FHIT: variants seen among roughly 807,000 people sequenced by gnomAD.
The protein encoded by FHIT is bis(5'-adenosyl)-triphosphatase.
A neutral mutation model predicts 17.9 loss-of-function variants in FHIT; 19 were observed. The ratio of observed to expected loss-of-function variants is 1.06; its 90% confidence interval spans 0.74 to 1.56. The LOEUF (loss-of-function observed/expected upper bound fraction) is 1.56. FHIT is among the 40% of genes most tolerant of loss of function. The pLI, the probability that FHIT is intolerant of heterozygous loss-of-function variation, is 0.00. For synonymous variants in FHIT, 81 were observed against 69.7 expected, an observed-to-expected ratio of 1.16 and a Z score of -0.81; for missense variants, 248 against 189.2, an observed-to-expected ratio of 1.31 and a Z score of -1.82.
chr3:60,232,609 G>A (rs11717164), intron 5 of FHIT, among the ~76,000 whole-genome samples: 1 of 151,942 alleles, frequency 6.6e-6, no homozygotes, highest in Non-Finnish European at 1.5e-5. Context: ...TCCCACATTC[G>A]CTGGGTTTCC....
chr3:60,304,571 T>C (rs773777605), intron 5 of FHIT, among the ~76,000 whole-genome samples: 1 of 152,138 alleles, frequency 6.6e-6, no homozygotes, highest in Non-Finnish European at 1.5e-5. Context: ...GCACTTATCT[T>C]TTATCATCAT....
At chr3:60,033,573 G>A (rs748583651) in intron 5 of FHIT, among the ~76,000 whole-genome samples, 8 of 152,200 alleles carry the variant, frequency 5.3e-5, no homozygotes, top group Non-Finnish European at 8.8e-5. Flanking sequence ...GGGAATTTTC[G>A]TAGTCTTTAA....
chr3:61,025,932 A>G (rs190701985), intron 3 of FHIT, among the ~76,000 whole-genome samples: 218 of 152,324 alleles, frequency 1.4e-3, no homozygotes, highest in Non-Finnish European at 2.3e-3. Context: ...TTGTTAAATA[A>G]AAGTATATGT....
intron 5 of FHIT, among the ~76,000 whole-genome samples, chr3:60,307,489 T>A (rs1465140555): frequency 1.3e-5 from 2 of 152,052 alleles, no homozygotes. Context: ...CATGCTTGAG[T>A]TTTTACCATC....
At chr3:60,235,900 C>G (rs1704758443) in intron 5 of FHIT, among the ~76,000 whole-genome samples, 1 of 152,086 alleles carries the variant, frequency 6.6e-6, no homozygotes, top group Non-Finnish European at 1.5e-5. Context: ...ATCACTAGAG[C>G]GTTCAATTGG....
intron 5 of FHIT, among the ~76,000 whole-genome samples, chr3:60,446,049 C>T (rs945271069): frequency 1.3e-5 from 2 of 152,036 alleles, no homozygotes; most frequent in Admixed American, 6.6e-5. Flanking sequence ...AACTGAAATG[C>T]CTACAGTACA....
chr3:59,753,013 TTA>T (rs1169948009), intron 8 of FHIT, among the ~76,000 whole-genome samples: 1 of 152,176 alleles, frequency 6.6e-6, no homozygotes, highest in East Asian at 1.9e-4. Context: ...TCTAATTTTC[TTA>T]TGTTTAACAG....
chr3:60,711,753 C>T (rs1250997822), intron 4 of FHIT, among the ~76,000 whole-genome samples: 2 of 152,148 alleles, frequency 1.3e-5, no homozygotes, highest in Admixed American at 1.3e-4. Context: ...TGAACAAAGC[C>T]TCCAAGAAAT....
intron 8 of FHIT, among the ~76,000 whole-genome samples, chr3:59,837,955 T>A (rs1701397096): frequency 6.6e-6 from 1 of 152,144 alleles, no homozygotes; most frequent in South Asian, 2.1e-4. Context: ...TAGTACCCTG[T>A]AAGCCTGGGG....
intron 5 of FHIT, among the ~76,000 whole-genome samples, chr3:60,057,748 C>A (rs1391322616): frequency 6.6e-6 from 1 of 151,610 alleles, no homozygotes; most frequent in African/African-American, 2.4e-5. Flanking sequence ...CACATTTTGA[C>A]AATGAGATGC....
rs150582799 is a variant in FHIT, at chr3:61,174,985, T to C, written c.-164+25632A>G. On this transcript the variant is annotated intron_variant, in intron 2 of 9. Coordinates refer to ENST00000492590, the MANE Select transcript of FHIT (RefSeq NM_002012.4). Reference sequence around the variant, plus strand: ...GGAAACCACAAAGCACATCTTCCTATGTTTGCATTTCCTCATCTATTAAAT... The same window carrying C: ...GGAAACCACAAAGCACATCTTCCTACGTTTGCATTTCCTCATCTATTAAAT... 4.8e-3 allele frequency among the ~76,000 whole-genome samples: 727 copies of C among 150,452 alleles called. 2 individuals carry two copies. Among genetic ancestry groups the C allele is most frequent in the Non-Finnish European group, 7.2e-3 (488 of 67,822 alleles).
At chr3:60,130,736 C>T (rs923570827) in intron 5 of FHIT, among the ~76,000 whole-genome samples, 2 of 119,798 alleles carry the variant, frequency 1.7e-5, no homozygotes, top group Admixed American at 1.8e-4. Context: ...TACAGTCTTA[C>T]TGAATAGGGG....
intron 5 of FHIT, among the ~76,000 whole-genome samples, chr3:60,206,537 T>G (rs888531626): frequency 6.6e-6 from 1 of 152,104 alleles, no homozygotes; most frequent in African/African-American, 2.4e-5. Flanking sequence ...ACTATAAGAA[T>G]TAAACCTAAT....
chr3:60,828,176 A>G (rs1163723645), intron 3 of FHIT, among the ~76,000 whole-genome samples: 3 of 152,190 alleles, frequency 2.0e-5, no homozygotes, highest in African/African-American at 7.2e-5. Flanking sequence ...TAATTTATGT[A>G]AAGAACCTGG....
chr3:60,319,357 C>T (rs765152668), intron 5 of FHIT, among the ~76,000 whole-genome samples: 8 of 151,926 alleles, frequency 5.3e-5, no homozygotes, highest in Non-Finnish European at 8.8e-5. Flanking sequence ...TGTTGTAAAC[C>T]TTCAAAGGAT....
In FHIT at chr3:60,499,165, G is replaced by A. The variant is rs145466034; in HGVS notation, c.103+37695C>T. The stretch of plus-strand genomic sequence containing the variant: ...CCTCTACAAGACCTGGACCCTTGGG[G>A]CTGGGGGATGGTGAATATAGCAAGG... On this transcript the variant is annotated intron_variant, in intron 5 of 9. Transcript: ENST00000492590. 3.5e-3 allele frequency among the ~76,000 whole-genome samples: 534 copies of A among 152,272 alleles called. 2 individuals carry two copies. Among genetic ancestry groups the A allele is most frequent in the African/African-American group, 0.012 (516 of 41,552 alleles).
chr3:59,813,377 G>C (rs527690182), intron 8 of FHIT, among the ~76,000 whole-genome samples: 1 of 152,180 alleles, frequency 6.6e-6, no homozygotes, highest in African/African-American at 2.4e-5. Flanking sequence ...AGGTTCGCCT[G>C]AGGACGTACC....
In FHIT at chr3:60,505,114, G is replaced by A. The variant is rs79687992; in HGVS notation, c.103+31746C>T. On this transcript the variant is annotated intron_variant, in intron 5 of 9. Coordinates refer to ENST00000492590, the MANE Select transcript of FHIT (RefSeq NM_002012.4). ...ATTTAGATCATGAGCTGTAAAAACA[G>A]AAAAAAACAAAATAATGGGCAGAAA... 7.8e-3 allele frequency among the ~76,000 whole-genome samples: 1,189 copies of A among 152,042 alleles called. 22 individuals carry two copies. Among genetic ancestry groups the A allele is most frequent in the African/African-American group, 0.027 (1,135 of 41,440 alleles).
intron 5 of FHIT, among the ~76,000 whole-genome samples, chr3:60,203,089 T>C (rs1171179659): frequency 6.6e-6 from 1 of 152,188 alleles, no homozygotes; most frequent in Non-Finnish European, 1.5e-5. Flanking sequence ...CTGTGGATTG[T>C]ACCAATGTTA....
Sources: allele counts gnomAD v4.1 joint callset (sites outside exome capture counted in the v4.1 genomes callset), GRCh38; gene constraint gnomAD v4.1.1; transcripts MANE v1.5; gene names NCBI Gene and HGNC (gene_info 2026-07-23, HGNC 2026-07-21).